DCC: variants seen among roughly 807,000 people sequenced by gnomAD.
DCC encodes the protein DCC netrin 1 receptor, also known as netrin receptor DCC.
DCC carries 58 observed loss-of-function variants against 172.5 expected under a neutral mutation model. The observed-to-expected ratio is 0.34, with a 90% CI of 0.27 to 0.42. The LOEUF is 0.42. Ranked by LOEUF, DCC falls within the 10% of genes least tolerant of loss-of-function variation. DCC has a pLI of 1.00. For synonymous variants in DCC, 709 were observed against 644.5 expected, an observed-to-expected ratio of 1.10 and a Z score of -1.52; for missense variants, 1,740 against 1,791.0, an observed-to-expected ratio of 0.97 and a Z score of 0.51.
chr18:53,208,222 C>T (rs1456071266), intron 11 of DCC, among the ~76,000 whole-genome samples: 3 of 151,120 alleles, frequency 2.0e-5, no homozygotes, highest in African/African-American at 4.9e-5. Flanking sequence ...CTGCAGTAAG[C>T]TGTGATCGTT....
chr18:52,471,558 T>C (rs1414818187), intron 1 of DCC, among the ~76,000 whole-genome samples: 1 of 152,208 alleles, frequency 6.6e-6, no homozygotes, highest in Non-Finnish European at 1.5e-5. Flanking sequence ...CTTAAGAAAC[T>C]TATTTCAGCA....
chr18:52,342,104 A>C (rs912910545), intron 1 of DCC, among the ~76,000 whole-genome samples: 4 of 152,130 alleles, frequency 2.6e-5, no homozygotes, highest in Admixed American at 2.6e-4. Flanking sequence ...CGAGCAGAAA[A>C]TGCGCCTCTC....
At chr18:53,327,599 G>A (rs923018420) in intron 14 of DCC, among the ~76,000 whole-genome samples, 2 of 152,152 alleles carry the variant, frequency 1.3e-5, no homozygotes, top group African/African-American at 4.8e-5. Context: ...CAGTGATGCA[G>A]CAAAAAAATG....
chr18:53,423,930 G>C (rs1011872986), intron 21 of DCC, among the ~76,000 whole-genome samples: 2 of 152,202 alleles, frequency 1.3e-5, no homozygotes, highest in African/African-American at 2.4e-5. Flanking sequence ...TGAATGAAAA[G>C]TGTAGATTGG....
intron 7 of DCC, among the ~76,000 whole-genome samples, chr18:53,149,667 T>C (rs535152672): frequency 6.6e-6 from 1 of 152,340 alleles, no homozygotes; most frequent in Admixed American, 6.5e-5. Flanking sequence ...ATGTGCAGAT[T>C]TGAGCATAAA....
chr18:52,929,988 A>T (rs1222452119), intron 5 of DCC, among the ~76,000 whole-genome samples: 1 of 150,844 alleles, frequency 6.6e-6, no homozygotes, highest in Non-Finnish European at 1.5e-5. Context: ...TCCAGTTCTA[A>T]TTTTTTTTTC....
intron 1 of DCC, among the ~76,000 whole-genome samples, chr18:52,632,452 G>C (rs1760972363): frequency 6.6e-6 from 1 of 152,184 alleles, no homozygotes; most frequent in Non-Finnish European, 1.5e-5. Flanking sequence ...AAGCACCAGA[G>C]AGAATCTGGT....
chr18:53,499,647 G>T, intron 27 of DCC, 137 bp downstream of exon 27: 1 of 787,678 alleles, frequency 1.3e-6, no homozygotes, highest in South Asian at 1.4e-5. Context: ...GCTCATTTTT[G>T]TTACTGATGC....
intron 12 of DCC, among the ~76,000 whole-genome samples, chr18:53,288,730 G>A (rs1242742470): frequency 6.6e-6 from 1 of 152,028 alleles, no homozygotes; most frequent in Non-Finnish European, 1.5e-5. Flanking sequence ...TTTTTCAAAA[G>A]TAAACTACTT....
intron 5 of DCC, among the ~76,000 whole-genome samples, chr18:53,018,022 G>A (rs924601767): frequency 6.6e-6 from 1 of 152,132 alleles, no homozygotes; most frequent in African/African-American, 2.4e-5. Flanking sequence ...ATCTTGTCTT[G>A]ATCTTTGATG....
At chr18:53,144,401 T>G (rs555561290) in intron 7 of DCC, among the ~76,000 whole-genome samples, 17 of 152,284 alleles carry the variant, frequency 1.1e-4, no homozygotes, top group African/African-American at 3.8e-4. Context: ...TGACTCACAG[T>G]TCCACCTGGT....
intron 1 of DCC, among the ~76,000 whole-genome samples, chr18:52,472,152 A>G (rs1017134437): frequency 6.6e-6 from 1 of 152,202 alleles, no homozygotes; most frequent in African/African-American, 2.4e-5. Context: ...GCAAGGTGTG[A>G]TAGTCTCACA....
chr18:53,380,856 C>A (rs1268830966), intron 15 of DCC, among the ~76,000 whole-genome samples: 1 of 152,150 alleles, frequency 6.6e-6, no homozygotes, highest in Non-Finnish European at 1.5e-5. Flanking sequence ...CGGGGCTAAG[C>A]TGTTACCACT....
intron 1 of DCC, among the ~76,000 whole-genome samples, chr18:52,648,418 A>C (rs1302993637): frequency 3.3e-5 from 5 of 152,322 alleles, no homozygotes; most frequent in Non-Finnish European, 7.3e-5. Flanking sequence ...AAATGGGCAC[A>C]CTTTGGTTTG....
At chr18:53,224,201 TG>T (rs1424833868) in intron 12 of DCC, among the ~76,000 whole-genome samples, 1 of 152,086 alleles carries the variant, frequency 6.6e-6, no homozygotes, top group Admixed American at 6.6e-5. Flanking sequence ...TAAATCAGAT[TG>T]TCAGGGAAGG....
intron 1 of DCC, among the ~76,000 whole-genome samples, chr18:52,520,692 A>G (rs1408560755): frequency 6.6e-6 from 1 of 151,954 alleles, no homozygotes; most frequent in Non-Finnish European, 1.5e-5. Flanking sequence ...TTTTTGTTAT[A>G]TTATGACAAG....
At chr18:53,112,098 ACAAAT>A (rs2043341896) in intron 7 of DCC, among the ~76,000 whole-genome samples, 2 of 151,450 alleles carry the variant, frequency 1.3e-5, no homozygotes, top group African/African-American at 2.4e-5. Flanking sequence ...GTAAAAAAAA[ACAAAT>A]CAAAACCAAA....
chr18:53,212,794 T>A (rs1252705679), intron 11 of DCC, among the ~76,000 whole-genome samples: 2 of 152,002 alleles, frequency 1.3e-5, no homozygotes, highest in African/African-American at 2.4e-5. Flanking sequence ...CCTCAACCTC[T>A]GGAGTAGCTG....
At chr18:52,401,093 T>G (rs990510556) in intron 1 of DCC, among the ~76,000 whole-genome samples, 1 of 151,900 alleles carries the variant, frequency 6.6e-6, no homozygotes, top group Non-Finnish European at 1.5e-5. Context: ...TCCCAGAACT[T>G]AAAGAATAAT....
Sources: gnomAD v4.1 joint callset for allele counts (sites outside exome capture counted in the v4.1 genomes callset) on GRCh38, gnomAD v4.1.1 for gene constraint, MANE v1.5 for transcripts, NCBI Gene and HGNC (gene_info 2026-07-23, HGNC 2026-07-21) for gene names.